SCHIP1: variants seen among roughly 807,000 people sequenced by gnomAD.
The protein encoded by SCHIP1 is schwannomin interacting protein 1, also known as schwannomin-interacting protein 1.
SCHIP1 carries 8 observed loss-of-function variants against 29.7 expected under a neutral mutation model. The ratio of observed to expected loss-of-function variants is 0.27; its 90% CI spans 0.16 to 0.49. SCHIP1 has a LOEUF of 0.49. SCHIP1 is among the 20% of genes least tolerant of loss of function. SCHIP1 has a pLI of 0.99. For synonymous variants in SCHIP1, 76 were observed against 94.9 expected, an observed-to-expected ratio of 0.80 and a Z score of 1.16; for missense variants, 193 against 294.6, an observed-to-expected ratio of 0.66 and a Z score of 2.52.
At chr3:159,586,771 T>G in the SCHIP1 span, among the ~76,000 whole-genome samples, 4 of 152,132 alleles carry the variant, frequency 2.6e-5, no homozygotes, top group African/African-American at 9.7e-5. Context: ...GCTGCTGCCC[T>G]CTGCTGGAAT....
chr3:159,368,539 A>G, the SCHIP1 span, among the ~76,000 whole-genome samples: 1 of 152,218 alleles, frequency 6.6e-6, no homozygotes, highest in Non-Finnish European at 1.5e-5. Context: ...GGTTATGACC[A>G]CAGAATTAAA....
the SCHIP1 span, among the ~76,000 whole-genome samples, chr3:159,648,260 G>C: frequency 1.3e-5 from 2 of 152,124 alleles, no homozygotes; most frequent in Non-Finnish European, 2.9e-5. Flanking sequence ...CCTCTGCCCT[G>C]ATGTCATGCA....
the SCHIP1 span, among the ~76,000 whole-genome samples, chr3:159,514,179 A>G: frequency 2.0e-5 from 3 of 152,092 alleles, no homozygotes; most frequent in African/African-American, 4.8e-5. Flanking sequence ...GAAATGGAAA[A>G]CCACCACCGT....
chr3:159,490,948 T>C, the SCHIP1 span, among the ~76,000 whole-genome samples: 1 of 152,220 alleles, frequency 6.6e-6, no homozygotes, highest in African/African-American at 2.4e-5. Context: ...GATCCTGGCT[T>C]GAGTTTCACC....
the SCHIP1 span, among the ~76,000 whole-genome samples, chr3:159,377,501 T>A: frequency 6.6e-6 from 1 of 152,228 alleles, no homozygotes. Context: ...ATGGAGAATC[T>A]ATTGCATTGT....
chr3:159,285,588 CT>C, the SCHIP1 span, among the ~76,000 whole-genome samples: 5 of 151,896 alleles, frequency 3.3e-5, no homozygotes, highest in South Asian at 2.1e-4. Flanking sequence ...TATTTCATTG[CT>C]TTTTTTGTTT....
At chr3:159,306,118 T>G in the SCHIP1 span, among the ~76,000 whole-genome samples, 1 of 102,848 alleles carries the variant, frequency 9.7e-6, no homozygotes, top group Non-Finnish European at 2.4e-5. Context: ...GGCTACCCAC[T>G]TGACTTGTGG....
At chr3:159,385,616 TCAGCACTATCTAATCCAGGCAA>T in the SCHIP1 span, among the ~76,000 whole-genome samples, 53 of 144,900 alleles carry the variant, frequency 3.7e-4, no homozygotes, top group African/African-American at 1.2e-3. Context: ...CCAGAAATAA[TCAGCACTATCTAATCCAGGCAA>T]CAAACACTTG....
At chr3:159,873,107 A>G (rs1378024306) in intron 2 of SCHIP1, among the ~76,000 whole-genome samples, 1 of 152,208 alleles carries the variant, frequency 6.6e-6, no homozygotes, top group Admixed American at 6.5e-5. Context: ...CGTGAAATAG[A>G]TTTTAAGTGG....
the SCHIP1 span, among the ~76,000 whole-genome samples, chr3:159,325,723 T>A: frequency 6.6e-6 from 1 of 152,096 alleles, no homozygotes; most frequent in African/African-American, 2.4e-5. Context: ...CACCTGGATC[T>A]GGTCATAGGA....
the SCHIP1 span, among the ~76,000 whole-genome samples, chr3:159,557,283 T>C: frequency 3.3e-5 from 5 of 152,198 alleles, no homozygotes; most frequent in Non-Finnish European, 7.3e-5. Context: ...TCAACTACAT[T>C]TCATGCTCAT....
At chr3:159,462,080 C>T in the SCHIP1 span, among the ~76,000 whole-genome samples, 3 of 151,896 alleles carry the variant, frequency 2.0e-5, no homozygotes, top group Non-Finnish European at 2.9e-5. Flanking sequence ...CATAGTGGTG[C>T]GCACCTGTAA....
chr3:159,294,243 TA>T, the SCHIP1 span, among the ~76,000 whole-genome samples: 3 of 152,306 alleles, frequency 2.0e-5, no homozygotes, highest in Non-Finnish European at 1.5e-5. Flanking sequence ...TTTAGCAGGA[TA>T]AGAAAAATGT....
chr3:159,750,368 T>C, the SCHIP1 span, among the ~76,000 whole-genome samples: 3 of 151,336 alleles, frequency 2.0e-5, no homozygotes, highest in Non-Finnish European at 4.4e-5. Flanking sequence ...GCTTTTCAGT[T>C]TTAATTTTTG....
chr3:159,740,767 A>AAAAC, the SCHIP1 span, among the ~76,000 whole-genome samples: 2 of 129,510 alleles, frequency 1.5e-5, no homozygotes, highest in East Asian at 2.4e-4. Context: ...TATTCAAAAA[A>AAAAC]AAAGAAAAAA....
At chr3:159,450,011 C>G in the SCHIP1 span, among the ~76,000 whole-genome samples, 1 of 152,120 alleles carries the variant, frequency 6.6e-6, no homozygotes, top group Non-Finnish European at 1.5e-5. Flanking sequence ...GGAGAAATCA[C>G]TTCCAGTGAG....
the SCHIP1 span, among the ~76,000 whole-genome samples, chr3:159,553,997 TGTGTGTG>T: frequency 2.4e-5 from 3 of 125,450 alleles, no homozygotes; most frequent in South Asian, 7.4e-4. Flanking sequence ...TGTGTGTGTG[TGTGTGTG>T]TGTGTGTGTG....
chr3:159,748,742 T>C, the SCHIP1 span, among the ~76,000 whole-genome samples: 15 of 152,234 alleles, frequency 9.9e-5, no homozygotes, highest in South Asian at 4.1e-4. Flanking sequence ...CTTGCCCCTA[T>C]TTAAATAACA....
the SCHIP1 span, among the ~76,000 whole-genome samples, chr3:159,647,788 G>A: frequency 2.0e-5 from 3 of 152,118 alleles, no homozygotes; most frequent in African/African-American, 7.2e-5. Context: ...GGAAAGCCAC[G>A]AGAACTAAAT....
Sources: allele counts gnomAD v4.1 joint callset (sites outside exome capture counted in the v4.1 genomes callset), GRCh38; gene constraint gnomAD v4.1.1; transcripts MANE v1.5; gene names NCBI Gene and HGNC (gene_info 2026-07-23, HGNC 2026-07-21).